The following ANKHD1 variants were observed in gnomAD, a reference collection of about 807,000 sequenced individuals.
ANKHD1 encodes ankyrin repeat and KH domain-containing protein 1.
In ANKHD1, 31 loss-of-function variants were observed where a neutral mutation model predicts 230.5. That is an observed-to-expected ratio of 0.13 (90% confidence interval 0.10 to 0.18). ANKHD1 has a LOEUF of 0.18. Among genes scored for constraint, ANKHD1 ranks in the 10% least tolerant of loss-of-function variants. The pLI is 1.00. For missense variants in ANKHD1, 2,256 were observed against 3,071.3 expected (o/e 0.73, Z 6.27); for synonymous variants, 1,074 against 1,117.6 (o/e 0.96, Z 0.78).
chr5:140,457,296 C>A (rs920943211), intron 7 of ANKHD1, among the ~76,000 whole-genome samples: 1 of 152,132 alleles, frequency 6.6e-6, no homozygotes, highest in Non-Finnish European at 1.5e-5. Context: ...GACAGTGTGG[C>A]GATTCCTCAA....
At chr5:140,500,877 C>T (rs1363540566) in intron 15 of ANKHD1, among the ~76,000 whole-genome samples, 1 of 151,802 alleles carries the variant, frequency 6.6e-6, no homozygotes, top group Non-Finnish European at 1.5e-5. Flanking sequence ...ATTTGATGTA[C>T]ATGTAAGTTT....
intron 15 of ANKHD1, among the ~76,000 whole-genome samples, chr5:140,499,308 C>A (rs1752171861): frequency 6.6e-6 from 1 of 151,902 alleles, no homozygotes; most frequent in South Asian, 2.1e-4. Flanking sequence ...TAGGTTAATA[C>A]CTAATGCTGT....
rs762767238 is a variant in ANKHD1, at chr5:140,485,085, A to G, written c.1871-36A>G. 8.2e-6 allele frequency: 13 copies of G among 1,582,848 alleles called. No homozygotes were observed. In the Admixed American group the frequency reaches 2.0e-4, roughly 25 times the overall value. The stretch of plus-strand genomic sequence containing the variant: ...TTGACTATGAACTAGCTTGATGTCA[A>G]CCTTTGCTAAGATTGCGATTTATTT... On this transcript the variant is annotated intron_variant, in intron 11 of 33. Transcript: ENST00000360839. The surrounding 1 kb of genome is among the most constrained non-coding windows in gnomAD (Gnocchi z 4.8).
intron 24 of ANKHD1, among the ~76,000 whole-genome samples, chr5:140,522,000 C>A (rs1373730591): frequency 6.6e-6 from 1 of 152,088 alleles, no homozygotes; most frequent in Non-Finnish European, 1.5e-5. Context: ...AATAAAGTTA[C>A]GTAATTCAGT....
intron 22 of ANKHD1, 128 bp downstream of exon 22, chr5:140,510,309 C>CTTTTTTT (rs34693244): frequency 3.3e-5 from 18 of 539,992 alleles, no homozygotes; most frequent in East Asian, 1.4e-4. Flanking sequence ...TCTTTCCATT[C>CTTTTTTT]TTTTTTTTTT....
intron 15 of ANKHD1, among the ~76,000 whole-genome samples, chr5:140,503,536 T>C (rs1044880617): frequency 6.0e-5 from 9 of 149,624 alleles, no homozygotes; most frequent in African/African-American, 1.9e-4. Context: ...ATAATTTCTT[T>C]TAACTCAGTT....
intron 22 of ANKHD1, among the ~76,000 whole-genome samples, chr5:140,510,640 G>T (rs1431466096): frequency 4.0e-5 from 6 of 151,864 alleles, no homozygotes; most frequent in Non-Finnish European, 8.8e-5. Flanking sequence ...AGATCTATGT[G>T]GTAGTTCACT....
chr5:140,428,619 G>A (rs944543715), intron 1 of ANKHD1, among the ~76,000 whole-genome samples: 1 of 152,158 alleles, frequency 6.6e-6, no homozygotes, highest in African/African-American at 2.4e-5. Context: ...ATCAGAGGGA[G>A]ACCGTGGAAA....
intron 7 of ANKHD1, among the ~76,000 whole-genome samples, chr5:140,457,852 A>T (rs1297418945): frequency 6.8e-6 from 1 of 147,364 alleles, no homozygotes; most frequent in Admixed American, 6.8e-5. Context: ...TTAAAGTATA[A>T]AAAAAAAAAG....
Position 140,539,485 on chromosome 5 carries a change from T to A in ANKHD1, c.*67T>A. ...TGACCTTGGAAGAACCATGGGGATT[T>A]TTTTTTAATGTGCCTAAGAAATTTT... On this transcript the variant is annotated 3_prime_UTR_variant, in exon 34 of 34. Transcript: ENST00000360839. 1.3e-6 allele frequency: 2 copies of A among 1,526,478 alleles called. No individual in the cohort carries two copies. Among genetic ancestry groups the A allele is most frequent in the Non-Finnish European group, 1.8e-6 (2 of 1,130,382 alleles). 94.6% of individuals were successfully genotyped at this position (1,526,478 alleles called of 1,614,324 possible).
intron 7 of ANKHD1, among the ~76,000 whole-genome samples, chr5:140,456,213 A>G (rs928701802): frequency 6.6e-6 from 1 of 152,254 alleles, no homozygotes; most frequent in Non-Finnish European, 1.5e-5. Context: ...ATAAAAGAGG[A>G]TACAAACAAA....
At chr5:140,488,778 T>C (rs1184788995) in intron 14 of ANKHD1, among the ~76,000 whole-genome samples, 1 of 151,814 alleles carries the variant, frequency 6.6e-6, no homozygotes, top group African/African-American at 2.4e-5. Context: ...TGCACACCTG[T>C]AATTCCAGCT....
At chr5:140,520,227 A>T (rs1370804992) in intron 24 of ANKHD1, among the ~76,000 whole-genome samples, 1 of 152,200 alleles carries the variant, frequency 6.6e-6, no homozygotes, top group East Asian at 1.9e-4. Context: ...AACCACAATG[A>T]GATACCATCT....
Position 140,526,036 on chromosome 5 carries a change from C to T in ANKHD1, c.4533C>T (p.Thr1511=), listed in dbSNP as rs1275104603. Residue 1511 remains threonine (T), a synonymous_variant, in exon 26 of 34, where the codon ACC becomes ACT. Transcript: ENST00000360839. Reference sequence around the variant, plus strand: ...CCATAGAACCTCCTAGTGCAACCACCACCACTACGATTGGAATCTCTGCAA... The same window carrying T: ...CCATAGAACCTCCTAGTGCAACCACTACCACTACGATTGGAATCTCTGCAA... ...EVPIEPPSAT[T]TTTIGISATS... The T allele has an allele frequency of 6.2e-7, 1 of 1,603,530 alleles. No individual in the cohort carries two copies. Among genetic ancestry groups the T allele is most frequent in the Non-Finnish European group, 8.5e-7 (1 of 1,177,156 alleles).
chr5:140,461,329 T>G (rs945132327), intron 9 of ANKHD1, among the ~76,000 whole-genome samples: 1 of 152,232 alleles, frequency 6.6e-6, no homozygotes, highest in African/African-American at 2.4e-5. Context: ...TTTTGCTTAT[T>G]TGAAGTATGT....
chr5:140,470,611 CTTTTTTTTTTT>C (rs386405120), intron 10 of ANKHD1, among the ~76,000 whole-genome samples: 6 of 71,770 alleles, frequency 8.4e-5, no homozygotes, highest in South Asian at 5.9e-4. Flanking sequence ...CTTGTTTCTG[CTTTTTTTTTTT>C]TTTTTTTTTT....
intron 6 of ANKHD1, 142 bp downstream of exon 6, chr5:140,446,117 A>G: frequency 1.2e-6 from 1 of 854,910 alleles, no homozygotes; most frequent in Non-Finnish European, 1.6e-6. Context: ...ATTATATAGA[A>G]AGTCTATTTT....
In ANKHD1 at chr5:140,485,966, A is replaced by T; in HGVS notation, c.2142+234A>T. 5.8e-6 allele frequency: 3 copies of T among 521,690 alleles called. No homozygotes were observed. Among genetic ancestry groups the T allele is most frequent in the Non-Finnish European group, 9.6e-6 (3 of 313,152 alleles). 32.3% of individuals were successfully genotyped at this position (521,690 alleles called of 1,614,324 possible). On this transcript the variant is annotated intron_variant, in intron 13 of 33. Transcript: ENST00000360839. This position sits in a 1 kb window ranked among gnomAD's most constrained non-coding sequence, Gnocchi z 4.8. Reference sequence around the variant, plus strand: ...TAAAAACCACTTAATATCAAATATAAACGTAAGTATTCTAAGTTGTTATCT... The same window carrying T: ...TAAAAACCACTTAATATCAAATATATACGTAAGTATTCTAAGTTGTTATCT...
chr5:140,530,707 G>A (rs1334587850), intron 29 of ANKHD1, among the ~76,000 whole-genome samples: 2 of 152,206 alleles, frequency 1.3e-5, no homozygotes, highest in Non-Finnish European at 2.9e-5. Flanking sequence ...TATGGTTTAA[G>A]AGCCAAATTT....
Sources: gnomAD v4.1 joint callset for allele counts (sites outside exome capture counted in the v4.1 genomes callset) on GRCh38, gnomAD v4.1.1 for gene constraint, Gnocchi (gnomAD v3.1) non-coding constraint, MANE v1.5 for transcripts, NCBI Gene and HGNC (gene_info 2026-07-23, HGNC 2026-07-21) for gene names.